FGF12: variants seen among roughly 807,000 people sequenced by gnomAD.
FGF12 encodes fibroblast growth factor 12B.
In FGF12, 14 loss-of-function variants were observed where a neutral mutation model predicts 23.6. The observed-to-expected ratio is 0.59, with a 90% CI of 0.39 to 0.93. FGF12 has a LOEUF of 0.93. Ranked by LOEUF, FGF12 falls within the 40% of genes least tolerant of loss-of-function variation. The probability of loss-of-function intolerance (pLI) is 0.00; values close to 1 mark genes in which losing one functional copy is unlikely to be tolerated. For missense variants in FGF12, 175 were observed against 217.8 expected (o/e 0.80, Z 1.24); for synonymous variants, 62 against 77.3 (o/e 0.80, Z 1.04).
chr3:192,519,275 A>C (rs1399522660), intron 2 of FGF12, among the ~76,000 whole-genome samples: 1 of 152,160 alleles, frequency 6.6e-6, no homozygotes, highest in Non-Finnish European at 1.5e-5. Flanking sequence ...ATGGTCCCTC[A>C]GTCTCCCTGT....
rs536969564 is a variant in FGF12 at position 192,693,645 on chromosome 3, C to A, written c.13+33536G>T. ...TAATTTCTGAAAGGGGAAGAAAATACAATGAAGAAAGGAGAGTCTCTTCAA... is the reference window on the plus strand; with the variant it reads ...TAATTTCTGAAAGGGGAAGAAAATAAAATGAAGAAAGGAGAGTCTCTTCAA... On this transcript the variant is annotated intron_variant, in intron 2 of 5. Coordinates refer to ENST00000445105, the MANE Select transcript of FGF12 (RefSeq NM_004113.6). Among the ~76,000 whole-genome samples, 75 of 152,110 alleles carry A rather than the reference C, an allele frequency of 4.9e-4. 4 individuals carry two copies. In the South Asian group the frequency reaches 0.013, roughly 26 times the overall value.
At chr3:192,144,173 T>C (rs752100632) in intron 5 of FGF12, 46 bp from the exon 6 acceptor site, 2 of 1,090,074 alleles carry the variant, frequency 1.8e-6, no homozygotes, top group Non-Finnish European at 2.8e-6. Context: ...TGGACATAAA[T>C]TTCCTTCAAT....
At chr3:192,170,697 T>A in intron 4 of FGF12, 41 bp from the exon 5 acceptor site, 1 of 1,532,936 alleles carries the variant, frequency 6.5e-7, no homozygotes, top group South Asian at 1.2e-5. Context: ...AGAGAAATGA[T>A]TTAAAGGTGA....
intron 4 of FGF12, among the ~76,000 whole-genome samples, chr3:192,233,625 G>A (rs1719136532): frequency 6.6e-6 from 1 of 152,052 alleles, no homozygotes; most frequent in African/African-American, 2.4e-5. Flanking sequence ...CTTTGCCAAG[G>A]TCATGTCCAG....
rs9850262 is a variant in FGF12, at chr3:192,569,485, C to T, written c.13+157696G>A. ...CAGTACCAGTAATTAAATATTTATA[C>T]ACAGAAGTGACATATAGCTATTGTG... On this transcript the variant is annotated intron_variant, in intron 2 of 5. Transcript: ENST00000445105. 6.7e-3 allele frequency among the ~76,000 whole-genome samples: 1,013 copies of T among 152,306 alleles called. 11 individuals are homozygous for T. Among genetic ancestry groups the T allele is most frequent in the African/African-American group, 0.024 (977 of 41,572 alleles).
At chr3:192,640,767 G>T (rs1282190487) in intron 2 of FGF12, among the ~76,000 whole-genome samples, 1 of 151,910 alleles carries the variant, frequency 6.6e-6, no homozygotes, top group African/African-American at 2.4e-5. Flanking sequence ...GCCCATTTTT[G>T]TATAGGCTGA....
In FGF12 at chr3:192,409,785, C is replaced by G. The variant is rs1374414794; in HGVS notation, c.14-49247G>C. ...GAGGCAGCCGAGGGCGCAACCCGGG[C>G]GCTTGGGGCCGGAGGCGGAATCAGG... On this transcript the variant is annotated intron_variant, in intron 2 of 5. Coordinates refer to ENST00000445105, the MANE Select transcript of FGF12 (RefSeq NM_004113.6). The surrounding 1 kb of genome is among the most constrained non-coding windows in gnomAD (Gnocchi z 4.8). Among the ~76,000 whole-genome samples the G allele has an allele frequency of 6.6e-6, 1 of 152,058 alleles. No individual in the cohort carries two copies. Among genetic ancestry groups the G allele is most frequent in the African/African-American group, 2.4e-5 (1 of 41,440 alleles).
At chr3:192,524,560 A>G (rs912683543) in intron 2 of FGF12, among the ~76,000 whole-genome samples, 2 of 152,232 alleles carry the variant, frequency 1.3e-5, no homozygotes, top group African/African-American at 4.8e-5. Flanking sequence ...CTTGTTGGAC[A>G]TGAAGTAATT....
At chr3:192,290,743 G>A (rs911457589) in intron 4 of FGF12, among the ~76,000 whole-genome samples, 3 of 152,078 alleles carry the variant, frequency 2.0e-5, no homozygotes, top group African/African-American at 7.2e-5. Context: ...GAAAAGACAG[G>A]TTCTTAAATT....
intron 5 of FGF12, among the ~76,000 whole-genome samples, chr3:192,166,834 T>C (rs375937095): frequency 1.1e-4 from 17 of 152,148 alleles, no homozygotes; most frequent in African/African-American, 3.4e-4. Flanking sequence ...AATTAAGTTT[T>C]TTTTTTCATT....
At chr3:192,231,779 A>C (rs1187229097) in intron 4 of FGF12, among the ~76,000 whole-genome samples, 1 of 152,132 alleles carries the variant, frequency 6.6e-6, no homozygotes, top group Non-Finnish European at 1.5e-5. Context: ...CCAAAAAAAA[A>C]AGTAATTGCA....
rs1382994619 is a variant in FGF12, at chr3:192,408,957, A to G, written c.14-48419T>C. The G allele has an allele frequency of 1.0e-6, 1 of 984,416 alleles. No individual in the cohort carries two copies. Among genetic ancestry groups the G allele is most frequent in the Admixed American group, 6.2e-5 (1 of 16,194 alleles). The allele number at this position is 984,416 out of a possible 1,614,324, so 61.0% of individuals were successfully genotyped here. On this transcript the variant is annotated intron_variant, in intron 2 of 5. Transcript: ENST00000445105. The surrounding 1 kb of genome is among the most constrained non-coding windows in gnomAD (Gnocchi z 7.3). ...GAGTTCTGGAATTCCGAGAGGCGCG[A>G]AGTGGGAGCGGTTACCCGGAGTCTG...
intron 2 of FGF12, among the ~76,000 whole-genome samples, chr3:192,540,945 A>C (rs762712307): frequency 6.6e-6 from 1 of 152,146 alleles, no homozygotes; most frequent in Non-Finnish European, 1.5e-5. Context: ...GTCTGATGTA[A>C]GTATAGCTAT....
At chr3:192,356,570 T>C (rs1288457239) in intron 3 of FGF12, among the ~76,000 whole-genome samples, 1 of 152,240 alleles carries the variant, frequency 6.6e-6, no homozygotes, top group East Asian at 1.9e-4. Context: ...GAGATTCTTA[T>C]CTGTTCCTGC....
chr3:192,356,338 G>A (rs1428382651), intron 3 of FGF12, among the ~76,000 whole-genome samples: 1 of 152,166 alleles, frequency 6.6e-6, no homozygotes, highest in East Asian at 1.9e-4. Flanking sequence ...TTATTGTTCA[G>A]AGGTAAAGAG....
chr3:192,339,647 T>C (rs1416889623), intron 3 of FGF12, among the ~76,000 whole-genome samples: 1 of 152,200 alleles, frequency 6.6e-6, no homozygotes, highest in Non-Finnish European at 1.5e-5. Context: ...TGGCCAACTC[T>C]TTTCATCATT....
At chr3:192,243,946 A>G (rs1719751864) in intron 4 of FGF12, among the ~76,000 whole-genome samples, 1 of 152,110 alleles carries the variant, frequency 6.6e-6, no homozygotes, top group Non-Finnish European at 1.5e-5. Flanking sequence ...TTAAAATAAA[A>G]TCAGCTATTG....
chr3:192,334,943 A>T (rs1280620871), intron 4 of FGF12, among the ~76,000 whole-genome samples: 1 of 152,156 alleles, frequency 6.6e-6, no homozygotes, highest in Non-Finnish European at 1.5e-5. Context: ...AATCTTTCAC[A>T]AATTATGAAC....
At chr3:192,545,760 C>A (rs1216257837) in intron 2 of FGF12, among the ~76,000 whole-genome samples, 9 of 152,164 alleles carry the variant, frequency 5.9e-5, no homozygotes, top group African/African-American at 2.2e-4. Context: ...AAAAAATATT[C>A]TCTTTCTCAA....
Sources: allele counts gnomAD v4.1 joint callset (sites outside exome capture counted in the v4.1 genomes callset), GRCh38; gene constraint gnomAD v4.1.1; non-coding constraint Gnocchi (gnomAD v3.1); transcripts MANE v1.5; gene names NCBI Gene and HGNC (gene_info 2026-07-23, HGNC 2026-07-21).